Variants in NELL2 observed in about 807,000 individuals in gnomAD.
NELL2 encodes the protein neural EGFL like 2, also known as protein kinase C-binding protein NELL2.
NELL2 carries 41 observed loss-of-function variants against 109.6 expected under a neutral mutation model. The ratio of observed to expected loss-of-function variants is 0.37; its 90% CI spans 0.29 to 0.49. The LOEUF (loss-of-function observed/expected upper bound fraction) is 0.49. Ranked by LOEUF, NELL2 falls within the 20% of genes least tolerant of loss-of-function variation. The probability of loss-of-function intolerance (pLI) is 0.98; values close to 1 mark genes in which losing one functional copy is unlikely to be tolerated. For missense variants in NELL2, 900 were observed against 1,008.3 expected (o/e 0.89, Z 1.45); for synonymous variants, 355 against 344.7 (o/e 1.03, Z -0.33).
chr12:44,635,454 T>C (rs528149723), intron 13 of NELL2, among the ~76,000 whole-genome samples: 1 of 152,326 alleles, frequency 6.6e-6, no homozygotes, highest in South Asian at 2.1e-4. Flanking sequence ...TGAGTAACTC[T>C]TTTTTATAAG....
intron 12 of NELL2, among the ~76,000 whole-genome samples, chr12:44,687,785 A>C (rs1053334518): frequency 6.6e-6 from 1 of 152,224 alleles, no homozygotes; most frequent in Non-Finnish European, 1.5e-5. Context: ...ATGAAGTTGC[A>C]AAAAGACTTT....
rs887698559 is a variant in NELL2 at position 44,553,756 on chromosome 12, A to G, written c.1664-21035T>C. On this transcript the variant is annotated intron_variant, in intron 15 of 19. Transcript: ENST00000429094. ...AGAGACAAAAAGTAGGGTGTTTTTG[A>G]AAGTAAATCATAAAGTAATACCACG... 3.9e-5 allele frequency among the ~76,000 whole-genome samples: 6 copies of G among 152,298 alleles called. No homozygotes were observed. In the East Asian group the frequency reaches 9.6e-4, roughly 24 times the overall value.
rs776980393 is a variant in NELL2, at chr12:44,816,075, T to C, written c.246A>G (p.Arg82=). ...ATAEQFFQKL[R]NKHEFTILVT... ...CCAAAATAGTAAATTCATGTTTATTTCTCAGCTTCTGAAAAAACTGTTCAG... is the reference window on the plus strand; with the variant it reads ...CCAAAATAGTAAATTCATGTTTATTCCTCAGCTTCTGAAAAAACTGTTCAG... Residue 82 remains arginine, a synonymous_variant, in exon 3 of 20, where the codon AGA becomes AGG. Coordinates refer to ENST00000429094, the MANE Select transcript of NELL2 (RefSeq NM_001145108.2). The C allele has an allele frequency of 8.7e-6, 14 of 1,613,648 alleles. No homozygotes were observed. The South Asian group carries it at 1.4e-4, about 16-fold the overall frequency.
At position 44,859,261 on chromosome 12, in the gene NELL2, G is replaced by C. The variant is rs962871534; in HGVS notation, c.184+15964C>G. Among the ~76,000 whole-genome samples the C allele has an allele frequency of 1.6e-4, 25 of 152,194 alleles. 1 individual carries two copies. The highest frequency in any genetic ancestry group is 3.2e-3 in the Middle Eastern group (1 of 316). ...GAATTGAATTAAAATCAACAGGAAGGCTGGGTGCAGTGGCTCACGCCTGTA... is the reference window on the plus strand; with the variant it reads ...GAATTGAATTAAAATCAACAGGAAGCCTGGGTGCAGTGGCTCACGCCTGTA... On this transcript the variant is annotated intron_variant, in intron 2 of 19. Coordinates refer to ENST00000429094, the MANE Select transcript of NELL2 (RefSeq NM_001145108.2).
chr12:44,861,279 C>A (rs747263795), intron 2 of NELL2, among the ~76,000 whole-genome samples: 2 of 152,124 alleles, frequency 1.3e-5, no homozygotes, highest in Non-Finnish European at 2.9e-5. Flanking sequence ...CAAAAATAGG[C>A]CTGACTCAGT....
chr12:44,577,372 T>C (rs1393910690), intron 15 of NELL2, among the ~76,000 whole-genome samples: 15 of 141,470 alleles, frequency 1.1e-4, no homozygotes, highest in South Asian at 2.3e-4. Context: ...TCATGTCCTT[T>C]GCCCACTTTT....
Position 44,714,630 on chromosome 12 carries a change from C to A in NELL2, c.1086+20G>T, listed in dbSNP as rs781671722. 2 of 1,456,678 alleles carry A rather than the reference C, an allele frequency of 1.4e-6. No homozygotes were observed. Among genetic ancestry groups the A allele is most frequent in the Non-Finnish European group, 9.4e-7 (1 of 1,068,260 alleles). 90.2% of individuals were successfully genotyped at this position (1,456,678 alleles called of 1,614,324 possible). ...TATAAATAGAAACAATTTTGAAAGA[C>A]CCACGAATAGTCTTCTTACCTTGCA... On this transcript the variant is annotated intron_variant, in intron 10 of 19. Transcript: ENST00000429094.
chr12:44,855,129 T>C (rs768513967), intron 2 of NELL2, among the ~76,000 whole-genome samples: 15 of 152,242 alleles, frequency 9.9e-5, no homozygotes, highest in Non-Finnish European at 1.3e-4. Flanking sequence ...TCTATACTTA[T>C]ATCACTCCTC....
chr12:44,607,870 T>C (rs1945461311), intron 14 of NELL2, among the ~76,000 whole-genome samples: 1 of 152,124 alleles, frequency 6.6e-6, no homozygotes, highest in South Asian at 2.1e-4. Context: ...AGACACTATA[T>C]AACCTGTTTT....
At chr12:44,746,379 T>C (rs1221270129) in intron 9 of NELL2, among the ~76,000 whole-genome samples, 1 of 152,126 alleles carries the variant, frequency 6.6e-6, no homozygotes, top group Admixed American at 6.5e-5. Context: ...ATTCAGGACA[T>C]AGGCATGGGC....
intron 5 of NELL2, 123 bp from the exon 6 acceptor site, chr12:44,777,437 C>A: frequency 1.4e-6 from 1 of 732,510 alleles, no homozygotes; most frequent in Non-Finnish European, 2.3e-6. Flanking sequence ...AGTAAAAAGT[C>A]TTTGTTAATA....
intron 19 of NELL2, 89 bp downstream of exon 19, chr12:44,519,916 T>A: frequency 1.8e-6 from 2 of 1,100,950 alleles, no homozygotes; most frequent in Non-Finnish European, 2.6e-6. Flanking sequence ...AAAAAAAACC[T>A]TCCTATTGTC....
At chr12:44,636,888 T>C (rs1397262434) in intron 13 of NELL2, among the ~76,000 whole-genome samples, 1 of 152,104 alleles carries the variant, frequency 6.6e-6, no homozygotes, top group East Asian at 1.9e-4. Context: ...GTCTGGTGCT[T>C]TTTTTGCTTG....
chr12:44,887,664 GTTGTTGTTGTTT>G (rs1945489835), intron 1 of NELL2, among the ~76,000 whole-genome samples: 1 of 151,248 alleles, frequency 6.6e-6, no homozygotes, highest in Non-Finnish European at 1.5e-5. Flanking sequence ...GTGTGTTGTT[GTTGTTGTTGTTT>G]TTGTTGTTGT....
At chr12:44,905,975 C>G (rs1945715568) in intron 1 of NELL2, among the ~76,000 whole-genome samples, 1 of 151,888 alleles carries the variant, frequency 6.6e-6, no homozygotes, top group Admixed American at 6.6e-5. Flanking sequence ...TAATTAATTA[C>G]ATAATATTCT....
At chr12:44,875,658 A>G in intron 1 of NELL2, 157 bp downstream of exon 1, 1 of 1,506,066 alleles carries the variant, frequency 6.6e-7, no homozygotes, top group East Asian at 2.3e-5. Flanking sequence ...CAAGCACAGA[A>G]AAAAAAAAAA....
intron 1 of NELL2, among the ~76,000 whole-genome samples, chr12:44,909,720 GT>G (rs1451185009): frequency 6.7e-6 from 1 of 148,930 alleles, no homozygotes; most frequent in Non-Finnish European, 1.5e-5. Context: ...AAACAGCATG[GT>G]TTTGGTGACA....
At position 44,789,348 on chromosome 12, in the gene NELL2, C is replaced by T. The variant is rs910289400; in HGVS notation, c.336-9326G>A. Among the ~76,000 whole-genome samples the T allele has an allele frequency of 2.0e-5, 3 of 152,290 alleles. No individual in the cohort carries two copies. The East Asian group carries it at 5.8e-4, about 29-fold the overall frequency. On this transcript the variant is annotated intron_variant, in intron 3 of 19. Transcript: ENST00000429094. ...CAGTACCAGCTCAGAGCTGGGTAGACTTGCTGGGTGGCTAGACCCAGAAGA... is the reference window on the plus strand; with the variant it reads ...CAGTACCAGCTCAGAGCTGGGTAGATTTGCTGGGTGGCTAGACCCAGAAGA...
At chr12:44,563,952 C>T (rs1943565759) in intron 15 of NELL2, among the ~76,000 whole-genome samples, 1 of 152,078 alleles carries the variant, frequency 6.6e-6, no homozygotes, top group African/African-American at 2.4e-5. Flanking sequence ...AGTAAGTTTA[C>T]TGCAGGTCAA....
Sources: allele counts gnomAD v4.1 joint callset (sites outside exome capture counted in the v4.1 genomes callset), GRCh38; gene constraint gnomAD v4.1.1; transcripts MANE v1.5; gene names NCBI Gene and HGNC (gene_info 2026-07-23, HGNC 2026-07-21).